The following SLCO1C1 variants were observed in gnomAD, a reference collection of about 807,000 sequenced individuals.
SLCO1C1 encodes OAT-RP-5.
SLCO1C1 carries 70 observed loss-of-function variants against 76.4 expected under a neutral mutation model. The observed-to-expected ratio is 0.92, with a 90% CI of 0.76 to 1.12. The LOEUF is 1.12. SLCO1C1 is among the 50% of genes most tolerant of loss of function. SLCO1C1 has a pLI of 0.00. For missense variants in SLCO1C1, 912 were observed against 823.8 expected (o/e 1.11, Z -1.31); for synonymous variants, 306 against 286.1 (o/e 1.07, Z -0.70).
intron 4 of SLCO1C1, among the ~76,000 whole-genome samples, chr12:20,709,109 A>C (rs571198051): frequency 1.3e-5 from 2 of 152,298 alleles, no homozygotes; most frequent in African/African-American, 4.8e-5. Context: ...AATTTCATAC[A>C]TCAAAGTCAA....
At chr12:20,711,901 T>C (rs1435800992) in intron 5 of SLCO1C1, among the ~76,000 whole-genome samples, 1 of 152,202 alleles carries the variant, frequency 6.6e-6, no homozygotes, top group African/African-American at 2.4e-5. Context: ...TTTGTCAGAA[T>C]GGCAAAAATG....
In SLCO1C1 at chr12:20,701,323, C is replaced by T; in HGVS notation, c.135C>T (p.Phe45=). 6.6e-7 allele frequency: 1 copy of T among 1,519,294 alleles called. No homozygotes were observed. Among genetic ancestry groups the T allele is most frequent in the Non-Finnish European group, 9.0e-7 (1 of 1,116,608 alleles). The allele number at this position is 1,519,294 out of a possible 1,614,324, so 94.1% of individuals were successfully genotyped here. ...KQPCCGELKV[F]LCALSFVYFA... is the part of the protein sequence containing the mutation. Reference sequence around the variant, plus strand: ...TGACCTGTCATATTTTCCAGGTGTTCTTGTGTGCCTTGTCTTTTGTTTACT... The same window carrying T: ...TGACCTGTCATATTTTCCAGGTGTTTTTGTGTGCCTTGTCTTTTGTTTACT... The change falls in exon 3 of 15, where the codon TTC becomes TTT. Residue 45 remains phenylalanine (F), a synonymous_variant. Transcript: ENST00000266509.
chr12:20,705,856 C>A, intron 3 of SLCO1C1, 93 bp from the exon 4 acceptor site: 1 of 1,263,000 alleles, frequency 7.9e-7, no homozygotes. Context: ...TAAAAGAAAA[C>A]ATTGCTTGGT....
intron 1 of SLCO1C1, chr12:20,696,811 C>CAAGGAAG (rs1946289335): frequency 2.6e-5 from 4 of 152,090 alleles, no homozygotes; most frequent in African/African-American, 9.7e-5. Context: ...CATTGAGCTT[C>CAAGGAAG]CTTCCCTCTC....
At chr12:20,713,234 C>G (rs1233218722) in intron 5 of SLCO1C1, among the ~76,000 whole-genome samples, 1 of 151,836 alleles carries the variant, frequency 6.6e-6, no homozygotes, top group South Asian at 2.1e-4. Context: ...CGCCCGCTAC[C>G]ACGCCCGGCT....
intron 14 of SLCO1C1, among the ~76,000 whole-genome samples, chr12:20,751,550 A>C (rs1330697867): frequency 6.6e-6 from 1 of 152,134 alleles, no homozygotes; most frequent in East Asian, 1.9e-4. Flanking sequence ...AATTTGTTTG[A>C]GTTAATAGGT....
chr12:20,696,166 A>T (rs1411184577), intron 1 of SLCO1C1, among the ~76,000 whole-genome samples: 1 of 152,190 alleles, frequency 6.6e-6, no homozygotes, highest in Non-Finnish European at 1.5e-5. Context: ...GTACTTATTA[A>T]ATCTGAATCT....
At chr12:20,735,866 T>C (rs1948512923) in intron 10 of SLCO1C1, among the ~76,000 whole-genome samples, 1 of 152,156 alleles carries the variant, frequency 6.6e-6, no homozygotes, top group South Asian at 2.1e-4. Context: ...TAGCTTGCTG[T>C]GTGACAGGAA....
At chr12:20,724,439 ATATATATATATATGTG>A (rs1287883257) in intron 9 of SLCO1C1, among the ~76,000 whole-genome samples, 30 of 116,018 alleles carry the variant, frequency 2.6e-4, no homozygotes, top group African/African-American at 1.0e-3. Flanking sequence ...ATATATATAT[ATATATATATATATGTG>A]TGTGTGTGTG....
chr12:20,708,600 G>A (rs1177971890), intron 4 of SLCO1C1, among the ~76,000 whole-genome samples: 1 of 152,082 alleles, frequency 6.6e-6, no homozygotes, highest in African/African-American at 2.4e-5. Flanking sequence ...ACAGTCATGT[G>A]GATATCTGGG....
chr12:20,699,500 A>T, intron 1 of SLCO1C1, 52 bp from the exon 2 acceptor site: 1 of 1,398,474 alleles, frequency 7.2e-7, no homozygotes, highest in African/African-American at 1.5e-5. Flanking sequence ...AAAAAAATTT[A>T]ATAAATTGCG....
At position 20,701,316 on chromosome 12, in the gene SLCO1C1, A is replaced by T. The variant is rs1438282643; in HGVS notation, c.130-2A>T. ...CTAAGTGTGACCTGTCATATTTTCC[A>T]GGTGTTCTTGTGTGCCTTGTCTTTT... On this transcript the variant is annotated splice_acceptor_variant, in intron 2 of 14. Transcript: ENST00000266509. LOFTEE classifies it high-confidence loss of function. 3.3e-6 allele frequency: 5 copies of T among 1,495,548 alleles called. No homozygotes were observed. Among genetic ancestry groups the T allele is most frequent in the Non-Finnish European group, 4.5e-6 (5 of 1,104,444 alleles). The allele number at this position is 1,495,548 out of a possible 1,614,324, so 92.6% of individuals were successfully genotyped here. A position where few individuals can be genotyped will look rare whatever the true frequency, so the allele number is the denominator to read the frequency against.
chr12:20,728,453 C>T (rs1948127125), intron 9 of SLCO1C1, among the ~76,000 whole-genome samples: 1 of 151,734 alleles, frequency 6.6e-6, no homozygotes, highest in Non-Finnish European at 1.5e-5. Context: ...TCTCAGAATG[C>T]TTTTTGTAGA....
chr12:20,702,664 T>A (rs1368349194), intron 3 of SLCO1C1, among the ~76,000 whole-genome samples: 1 of 151,808 alleles, frequency 6.6e-6, no homozygotes, highest in South Asian at 2.1e-4. Flanking sequence ...ATTTATTCCT[T>A]GAGCCCTGTT....
chr12:20,738,826 C>G (rs1038813693), intron 11 of SLCO1C1, among the ~76,000 whole-genome samples: 4 of 151,982 alleles, frequency 2.6e-5, no homozygotes, highest in Admixed American at 6.6e-5. Context: ...CATGTGAGAA[C>G]TGAGGCACTG....
intron 6 of SLCO1C1, among the ~76,000 whole-genome samples, chr12:20,716,345 G>A (rs1326553104): frequency 6.6e-6 from 1 of 152,194 alleles, no homozygotes; most frequent in Non-Finnish European, 1.5e-5. Context: ...GCTTAGGTGT[G>A]CCCTTCTTCT....
chr12:20,746,937 A>G (rs2120920520), intron 13 of SLCO1C1, among the ~76,000 whole-genome samples: 1 of 152,284 alleles, frequency 6.6e-6, no homozygotes, highest in African/African-American at 2.4e-5. Flanking sequence ...CGAACTAAAA[A>G]AATCCTTGGA....
At chr12:20,698,202 T>A (rs1325020461) in intron 1 of SLCO1C1, among the ~76,000 whole-genome samples, 1 of 152,036 alleles carries the variant, frequency 6.6e-6, no homozygotes. Context: ...ATATCTTTGT[T>A]TTTTGTCTTG....
chr12:20,724,620 T>A (rs1166251097), intron 9 of SLCO1C1, among the ~76,000 whole-genome samples: 1 of 148,466 alleles, frequency 6.7e-6, no homozygotes, highest in Non-Finnish European at 1.5e-5. Flanking sequence ...TTGAACTTCA[T>A]ATAAATTAAA....
Sources: allele counts gnomAD v4.1 joint callset (sites outside exome capture counted in the v4.1 genomes callset), GRCh38; gene constraint gnomAD v4.1.1; transcripts MANE v1.5; gene names NCBI Gene and HGNC (gene_info 2026-07-23, HGNC 2026-07-21).